SIGLEC10: variants seen among roughly 807,000 people sequenced by gnomAD.
SIGLEC10 encodes sialic acid-binding Ig-like lectin 10.
In SIGLEC10, 45 loss-of-function variants were observed where a neutral mutation model predicts 68.3. That is an observed-to-expected ratio of 0.66 (90% CI 0.52 to 0.84). The LOEUF (loss-of-function observed/expected upper bound fraction) is 0.84. Ranked by LOEUF, SIGLEC10 falls within the 40% of genes least tolerant of loss-of-function variation. The pLI, the probability that SIGLEC10 is intolerant of heterozygous loss-of-function variation, is 0.00. For synonymous variants in SIGLEC10, 379 were observed against 370.8 expected (o/e 1.02, Z -0.26); for missense variants, 789 against 883.1 (o/e 0.89, Z 1.35).
rs1460644158 is a variant in SIGLEC10 at position 51,415,563 on chromosome 19, C to T, written c.1072+5G>A. The T allele has an allele frequency of 6.2e-7, 1 of 1,613,914 alleles. No individual in the cohort carries two copies. Among genetic ancestry groups the T allele is most frequent in the Non-Finnish European group, 8.5e-7 (1 of 1,179,906 alleles). On this transcript the variant is annotated splice_donor_5th_base_variant and intron_variant, in intron 6 of 10. Transcript: ENST00000339313. ...AGGCCTTGGCTCCTCTGTCCCCTTT[C>T]CTACCTGTCCTGTTTGCTTGGGAAA...
Sources: gnomAD v4.1 joint callset for allele counts on GRCh38, gnomAD v4.1.1 for gene constraint, MANE v1.5 for transcripts, NCBI Gene and HGNC (gene_info 2026-07-23, HGNC 2026-07-21) for gene names.